MAPK10: variants seen among roughly 807,000 people sequenced by gnomAD.
MAPK10 encodes JNK3 alpha protein kinase.
A neutral mutation model predicts 59.3 loss-of-function variants in MAPK10; 25 were observed. That is an observed-to-expected ratio of 0.42 (90% CI 0.31 to 0.59). MAPK10 has a LOEUF of 0.59. Ranked by LOEUF, MAPK10 falls within the 20% of genes least tolerant of loss-of-function variation. The pLI is 0.15. For missense variants in MAPK10, 351 were observed against 568.9 expected (o/e 0.62, Z 3.90); for synonymous variants, 190 against 200.5 (o/e 0.95, Z 0.44).
At chr4:86,183,855 C>G (rs1055050146) in intron 3 of MAPK10, among the ~76,000 whole-genome samples, 6 of 152,170 alleles carry the variant, frequency 3.9e-5, no homozygotes, top group African/African-American at 7.2e-5. Flanking sequence ...GACAGTATCT[C>G]ATTGTGGTTT....
chr4:86,423,703 T>A (rs1746830007), intron 1 of MAPK10, among the ~76,000 whole-genome samples: 1 of 149,858 alleles, frequency 6.7e-6, no homozygotes, highest in Non-Finnish European at 1.5e-5. Flanking sequence ...TTGTGTGTTA[T>A]GAGTACTAAG....
At position 86,447,744 on chromosome 4, in the gene MAPK10, A is replaced by G. The variant is rs147417257; in HGVS notation, c.-122+5286T>C. ...TTTTCTACAACAATGGTAATATACT[A>G]CACTATTATATTCCTTGAAGTTTTC... On this transcript the variant is annotated intron_variant, in intron 1 of 13. Transcript: ENST00000361569. 3.3e-5 allele frequency among the ~76,000 whole-genome samples: 5 copies of G among 152,300 alleles called. No individual in the cohort carries two copies. The East Asian group carries it at 9.6e-4, about 29-fold the overall frequency.
At chr4:86,231,572 A>G (rs1583238183) in intron 2 of MAPK10, among the ~76,000 whole-genome samples, 1 of 152,010 alleles carries the variant, frequency 6.6e-6, no homozygotes, top group African/African-American at 2.4e-5. Flanking sequence ...CTGAGACAGG[A>G]GAATCGCTTG....
At chr4:86,573,674 G>A (rs1761636914) in intron 1 of MAPK10, among the ~76,000 whole-genome samples, 1 of 152,120 alleles carries the variant, frequency 6.6e-6, no homozygotes, top group Non-Finnish European at 1.5e-5. Flanking sequence ...ATAGATAAAT[G>A]TGAGATAAAT....
chr4:86,406,158 G>A lies in MAPK10; in HGVS notation c.-122+46872C>T, dbSNP rs182185713. Among the ~76,000 whole-genome samples, 133 of 152,220 alleles carry A rather than the reference G, an allele frequency of 8.7e-4. 5 individuals carry two copies. In the East Asian group the frequency reaches 0.013, roughly 14 times the overall value. On this transcript the variant is annotated intron_variant, in intron 1 of 13. Transcript: ENST00000361569. ...CTGGCAACAAAAAGCAGAGTCCCTCGGCTTTCACTATGGCAAGTTTGGTTG... is the reference window on the plus strand; with the variant it reads ...CTGGCAACAAAAAGCAGAGTCCCTCAGCTTTCACTATGGCAAGTTTGGTTG...
intron 1 of MAPK10, among the ~76,000 whole-genome samples, chr4:86,375,713 T>TAAAAAAAAAAAAAAAAAAAA (rs56189009): frequency 6.0e-5 from 2 of 33,330 alleles, no homozygotes; most frequent in African/African-American, 1.3e-4. Flanking sequence ...AGGTCCACTC[T>TAAAAAAAAAAAAAAAAAAAA]AAAAAAAAAA....
At chr4:86,299,272 A>G (rs186958016) in intron 2 of MAPK10, among the ~76,000 whole-genome samples, 3 of 152,246 alleles carry the variant, frequency 2.0e-5, no homozygotes, top group African/African-American at 7.2e-5. Flanking sequence ...TTTTGGCAAC[A>G]TATATTTAAG....
chr4:86,550,311 T>G (rs28464935), intron 1 of MAPK10, among the ~76,000 whole-genome samples: 201 of 145,944 alleles, frequency 1.4e-3, no homozygotes, highest in Non-Finnish European at 2.0e-3. Context: ...GGCATTCAGT[T>G]TGCAACAATT....
chr4:86,369,970 G>A (rs1184836697), intron 1 of MAPK10, among the ~76,000 whole-genome samples: 1 of 152,078 alleles, frequency 6.6e-6, no homozygotes, highest in African/African-American at 2.4e-5. Context: ...TAATGTATGT[G>A]ACAGTGCCTA....
intron 3 of MAPK10, among the ~76,000 whole-genome samples, chr4:86,186,934 T>C (rs2078377121): frequency 6.6e-6 from 1 of 152,174 alleles, no homozygotes; most frequent in East Asian, 1.9e-4. Flanking sequence ...CTTCTTACTT[T>C]CCCTTCTAGG....
chr4:86,412,792 G>A (rs1369737745), intron 1 of MAPK10, among the ~76,000 whole-genome samples: 1 of 152,134 alleles, frequency 6.6e-6, no homozygotes, highest in African/African-American at 2.4e-5. Flanking sequence ...ATTCTAGTTA[G>A]TCATTCATCT....
At chr4:86,538,458 G>A (rs757563741) in intron 1 of MAPK10, among the ~76,000 whole-genome samples, 2 of 152,080 alleles carry the variant, frequency 1.3e-5, no homozygotes, top group South Asian at 2.1e-4. Context: ...GAGCCACTGC[G>A]CCCGGTCCAA....
upstream of MAPK10, among the ~76,000 whole-genome samples, chr4:86,362,120 T>G (rs1247870706): frequency 6.6e-6 from 1 of 152,100 alleles, no homozygotes; most frequent in Non-Finnish European, 1.5e-5. Context: ...AATGTATACA[T>G]GTATCAAAAC....
At chr4:86,124,412 T>A (rs1054289089) in intron 4 of MAPK10, 2 of 151,982 alleles carry the variant, frequency 1.3e-5, no homozygotes, top group Non-Finnish European at 2.9e-5. Context: ...TTCTTGGCAT[T>A]TCTCATACTT....
intron 3 of MAPK10, among the ~76,000 whole-genome samples, chr4:86,191,378 C>CT (rs1232893297): frequency 2.0e-5 from 3 of 151,956 alleles, no homozygotes; most frequent in Admixed American, 2.0e-4. Flanking sequence ...GTGTGAGAGT[C>CT]TAAGTCTCCT....
chr4:86,035,733 T>C (rs1424249708), intron 11 of MAPK10, among the ~76,000 whole-genome samples: 2 of 152,094 alleles, frequency 1.3e-5, no homozygotes, highest in African/African-American at 4.8e-5. Context: ...GGGAAGATGA[T>C]CGTGTTGGTG....
rs1224428862 is a variant in MAPK10, at chr4:86,293,767, C to T, written c.-7+60763G>A. On this transcript the variant is annotated intron_variant, in intron 2 of 13. Transcript: ENST00000641462. ...GGAGCAACAGAGTGCAGGGGAGGTG[C>T]CACACGCTTTTAAATGACCAGATCT... is the stretch of plus-strand genomic sequence containing the variant. 2.0e-5 allele frequency among the ~76,000 whole-genome samples: 3 copies of T among 151,954 alleles called. No homozygotes were observed. In the South Asian group the frequency reaches 6.2e-4, roughly 32 times the overall value.
At chr4:86,372,288 G>A (rs1738886068) in intron 1 of MAPK10, among the ~76,000 whole-genome samples, 1 of 152,094 alleles carries the variant, frequency 6.6e-6, no homozygotes, top group Non-Finnish European at 1.5e-5. Context: ...GGAAGCTGAG[G>A]TGGGCAGATC....
chr4:86,145,232 C>T lies in MAPK10; in HGVS notation c.236+14066G>A, dbSNP rs1234709498. Among the ~76,000 whole-genome samples the T allele has an allele frequency of 4.3e-5, 4 of 91,958 alleles. 1 individual carries two copies. The highest frequency in any genetic ancestry group is 1.3e-4 in the African/African-American group (2 of 15,722). The allele number at this position is 91,958 out of a possible 152,430, so 60.3% of individuals were successfully genotyped here. ...CTATCTCTAGCCGGGCGTGGTGGCG[C>T]GCGCCTGTAGTCCCAGCTACACGGG... On this transcript the variant is annotated intron_variant, in intron 4 of 13. Coordinates refer to ENST00000641462, the MANE Select transcript of MAPK10 (RefSeq NM_138982.4).
Sources: gnomAD v4.1 joint callset for allele counts (sites outside exome capture counted in the v4.1 genomes callset) on GRCh38, gnomAD v4.1.1 for gene constraint, MANE v1.5 for transcripts, NCBI Gene and HGNC (gene_info 2026-07-23, HGNC 2026-07-21) for gene names.